Variants in GALK2 observed in about 807,000 individuals in gnomAD.
GALK2 encodes N-acetylgalactosamine kinase.
Under a neutral mutation model 52.4 loss-of-function variants are expected in GALK2, and 36 were observed. That is an observed-to-expected ratio of 0.69 (90% CI 0.53 to 0.91). The LOEUF (loss-of-function observed/expected upper bound fraction) is 0.91. GALK2 is among the 40% of genes least tolerant of loss of function. The probability of loss-of-function intolerance (pLI) is 0.00; values close to 1 mark genes in which losing one functional copy is unlikely to be tolerated. For synonymous variants in GALK2, 176 were observed against 199.1 expected, an observed-to-expected ratio of 0.88 and a Z score of 0.98; for missense variants, 579 against 559.1, an observed-to-expected ratio of 1.04 and a Z score of -0.36.
intron 8 of GALK2, among the ~76,000 whole-genome samples, chr15:49,311,404 C>T (rs2035979000): frequency 6.6e-6 from 1 of 152,218 alleles, no homozygotes; most frequent in Non-Finnish European, 1.5e-5. Flanking sequence ...CAGCCCATTG[C>T]TTTGATTTTC....
intron 5 of GALK2, among the ~76,000 whole-genome samples, chr15:49,277,199 C>T (rs1215997616): frequency 2.6e-5 from 2 of 77,224 alleles, no homozygotes; most frequent in African/African-American, 5.0e-5. Flanking sequence ...GACGGAGTCT[C>T]GCTCTGTCGC....
intron 8 of GALK2, among the ~76,000 whole-genome samples, chr15:49,307,461 A>G (rs554945156): frequency 6.6e-6 from 1 of 152,294 alleles, no homozygotes; most frequent in East Asian, 1.9e-4. Context: ...TAGAGGGGAG[A>G]GGGATACCAG....
At chr15:49,284,693 C>T (rs2033143284) in intron 7 of GALK2, among the ~76,000 whole-genome samples, 1 of 152,170 alleles carries the variant, frequency 6.6e-6, no homozygotes, top group South Asian at 2.1e-4. Flanking sequence ...CTTTACTTCT[C>T]TCAAATACCC....
chr15:49,289,729 T>C (rs565155217), intron 7 of GALK2, among the ~76,000 whole-genome samples: 85 of 152,288 alleles, frequency 5.6e-4, no homozygotes, highest in African/African-American at 2.0e-3. Context: ...TTGGCGTCTT[T>C]TCCTGTTTCA....
At chr15:49,334,328 AATGCAGGCATT>A (rs1427264214), downstream of GALK2, 3 of 675,896 alleles carry the variant, frequency 4.4e-6, no homozygotes, top group Admixed American at 1.9e-4. Context: ...ATTTTAAAAT[AATGCAGGCATT>A]ACTAATTGGG....
At chr15:49,357,357 AAG>A (rs1234332945) in intron 3 of GALK2, among the ~76,000 whole-genome samples, 1 of 149,646 alleles carries the variant, frequency 6.7e-6, no homozygotes, top group Non-Finnish European at 1.5e-5. Flanking sequence ...TAAAGAAAAA[AAG>A]AGAGAAGAAT....
intron 2 of GALK2, among the ~76,000 whole-genome samples, chr15:49,203,258 C>T (rs1299367922): frequency 2.6e-5 from 4 of 151,928 alleles, no homozygotes; most frequent in Non-Finnish European, 4.4e-5. Flanking sequence ...ACCATGTTGG[C>T]CAGGATGGTC....
At chr15:49,296,210 T>A (rs1480127191) in intron 8 of GALK2, among the ~76,000 whole-genome samples, 1 of 152,194 alleles carries the variant, frequency 6.6e-6, no homozygotes, top group African/African-American at 2.4e-5. Flanking sequence ...GGTGTACACA[T>A]GATTTTATCA....
Position 49,361,316 on chromosome 15 carries a change from G to T in GALK2, c.427-6175G>T, listed in dbSNP as rs557699407. Among the ~76,000 whole-genome samples the T allele has an allele frequency of 3.9e-5, 6 of 152,014 alleles. No homozygotes were observed. The East Asian group carries it at 1.2e-3, about 29-fold the overall frequency. On this transcript the variant is annotated intron_variant, in intron 3 of 3. Coordinates refer to the GALK2 transcript ENST00000558399. ...TTACATAGGTAAATTGATGTTACAG[G>T]GATTTGTTGTACTGATTATTTCACC...
At chr15:49,184,577 A>G (rs542239027) in intron 1 of GALK2, among the ~76,000 whole-genome samples, 1 of 152,138 alleles carries the variant, frequency 6.6e-6, no homozygotes, top group South Asian at 2.1e-4. Flanking sequence ...CTGTTTGTGA[A>G]GGTGATTTTC....
chr15:49,362,492 G>A (rs1044354303), intron 3 of GALK2, among the ~76,000 whole-genome samples: 6 of 152,058 alleles, frequency 3.9e-5, no homozygotes, highest in African/African-American at 1.2e-4. Context: ...CATGAAAACC[G>A]ACTAATACAC....
chr15:49,299,813 CGT>C (rs776428613), intron 8 of GALK2, among the ~76,000 whole-genome samples: 1 of 118,964 alleles, frequency 8.4e-6, no homozygotes, highest in Non-Finnish European at 1.7e-5. Context: ...AGTCTGAGAG[CGT>C]GATTGGTATG....
At chr15:49,314,870 C>T (rs1227981037) in intron 8 of GALK2, among the ~76,000 whole-genome samples, 1 of 152,192 alleles carries the variant, frequency 6.6e-6, no homozygotes, top group African/African-American at 2.4e-5. Flanking sequence ...AAGAAGGAAC[C>T]AGCCATGTGA....
At chr15:49,307,186 A>T (rs1003155977) in intron 8 of GALK2, among the ~76,000 whole-genome samples, 2 of 152,154 alleles carry the variant, frequency 1.3e-5, no homozygotes, top group African/African-American at 4.8e-5. Context: ...CTGATGCAGC[A>T]TCTTCATTCT....
chr15:49,267,915 A>G (rs1438675726), intron 5 of GALK2, among the ~76,000 whole-genome samples: 4 of 152,206 alleles, frequency 2.6e-5, no homozygotes, highest in African/African-American at 7.2e-5. Context: ...AAAACTCTGA[A>G]TGAAGCAAAA....
rs2038615123 is a variant in GALK2 at position 49,330,994 on chromosome 15, C to T, written c.*2835C>T. 6.6e-6 allele frequency: 1 copy of T among 152,186 alleles called. No homozygotes were observed. Among genetic ancestry groups the T allele is most frequent in the Non-Finnish European group, 1.5e-5 (1 of 68,068 alleles). The allele number at this position is 152,186 out of a possible 1,614,324, so 9.4% of individuals were successfully genotyped here. A position where few individuals can be genotyped will look rare whatever the true frequency, so the allele number is the denominator to read the frequency against. ...CAACAAAAATGAATAGTCCTGTTTG[C>T]TTATTATACTGTCCTGTTTGTATAT... On this transcript the variant is annotated 3_prime_UTR_variant, in exon 10 of 10. Transcript: ENST00000560031.
downstream of GALK2, among the ~76,000 whole-genome samples, chr15:49,333,491 G>T (rs2039176807): frequency 6.6e-6 from 1 of 152,144 alleles, no homozygotes; most frequent in South Asian, 2.1e-4. Context: ...GTCCTATGTG[G>T]ATTTGATTTT....
At chr15:49,167,452 G>T (rs1439278629), upstream of GALK2, among the ~76,000 whole-genome samples, 1 of 152,090 alleles carries the variant, frequency 6.6e-6, no homozygotes, top group African/African-American at 2.4e-5. Flanking sequence ...CCATCTCCTG[G>T]GTTCAAGCGA....
rs2151116525 is a variant in GALK2 at position 49,328,512 on chromosome 15, C to T, written c.*353C>T. The stretch of plus-strand genomic sequence containing the variant: ...AATTAAATATATTGTTACAATTAAA[C>T]TGATACCACTGAATTGTATGCATTA... On this transcript the variant is annotated 3_prime_UTR_variant, in exon 10 of 10. Transcript: ENST00000560031. The T allele has an allele frequency of 6.3e-7, 1 of 1,595,090 alleles. No homozygotes were observed.
Sources: gnomAD v4.1 joint callset for allele counts (sites outside exome capture counted in the v4.1 genomes callset) on GRCh38, gnomAD v4.1.1 for gene constraint, MANE v1.5 for transcripts, NCBI Gene and HGNC (gene_info 2026-07-23, HGNC 2026-07-21) for gene names.